Variants in UACA observed in about 807,000 individuals in gnomAD.
UACA encodes the protein uveal autoantigen with coiled-coil domains and ankyrin repeats.
Under a neutral mutation model 160.5 loss-of-function variants are expected in UACA, and 112 were observed. The ratio of observed to expected loss-of-function variants is 0.70; its 90% CI spans 0.60 to 0.82. The LOEUF (loss-of-function observed/expected upper bound fraction) is 0.82. Ranked by LOEUF, UACA falls within the 40% of genes least tolerant of loss-of-function variation. UACA has a pLI of 0.00. For missense variants in UACA, 1,574 were observed against 1,614.6 expected (o/e 0.97, Z 0.43); for synonymous variants, 557 against 568.4 (o/e 0.98, Z 0.29).
intron 1 of UACA, among the ~76,000 whole-genome samples, chr15:70,721,351 C>T (rs1192844430): frequency 6.6e-6 from 1 of 152,116 alleles, no homozygotes; most frequent in African/African-American, 2.4e-5. Flanking sequence ...TGCGGATGGG[C>T]GCGGTGGCTC....
rs150767083 is a variant in UACA, at chr15:70,667,215, C to G, written c.3469G>C (p.Glu1157Gln). 1.1e-5 allele frequency: 17 copies of G among 1,613,890 alleles called. No individual in the cohort carries two copies. The African/African-American group carries it at 2.1e-4, about 20-fold the overall frequency. Residue 1157 changes from glutamate (E) to glutamine (Q), a missense_variant, in exon 16 of 19, where the codon GAG (glutamate) becomes CAG (glutamine). Transcript: ENST00000322954. ...GGTACAGAAGAGTTCTTTTGATTCT[C>G]CAACAATTGATGCAGTTTGGTCACT... is the stretch of plus-strand genomic sequence containing the variant. ...QTVTKLHQLLENQKNSSVPLA... is the reference protein window; with the variant it reads ...QTVTKLHQLLQNQKNSSVPLA...
chr15:70,706,966 G>C (rs1898539946), intron 1 of UACA, among the ~76,000 whole-genome samples: 1 of 152,102 alleles, frequency 6.6e-6, no homozygotes, highest in Non-Finnish European at 1.5e-5. Flanking sequence ...GGAATCTCAA[G>C]GGACTTCAAA....
At chr15:70,657,272 C>CAA in intron 18 of UACA, 145 bp from the exon 19 acceptor site, 1 of 695,988 alleles carries the variant, frequency 1.4e-6, no homozygotes, top group Non-Finnish European at 2.5e-6. Context: ...AAAGGAATTA[C>CAA]TGGAAAAGGG....
At chr15:70,764,210 G>A, upstream of UACA, among the ~76,000 whole-genome samples, 1 of 152,170 alleles carries the variant, frequency 6.6e-6, no homozygotes, top group East Asian at 1.9e-4. Context: ...GACGGAATGG[G>A]GGCGGGGAGG....
At position 70,691,286 on chromosome 15, in the gene UACA, C is replaced by G. The variant is rs1269331243; in HGVS notation, c.366+13G>C. The G allele has an allele frequency of 1.3e-6, 2 of 1,576,090 alleles. No individual in the cohort carries two copies. Among genetic ancestry groups the G allele is most frequent in the Admixed American group, 3.5e-5 (2 of 56,960 alleles). ...CAAAATAATAAAGCTAAAGTATTAA[C>G]CACTTCCACTACCTGTAGAAGTTTT... On this transcript the variant is annotated intron_variant, in intron 4 of 18. Coordinates refer to ENST00000322954, the MANE Select transcript of UACA (RefSeq NM_018003.4).
rs1897929094 is a variant in UACA, at chr15:70,691,374, T to A, written c.302-11A>T. ...GAAGAGCATTTCTCCCTATAAATAA[T>A]TTAAGATACATGTGAAGGATTATTT... On this transcript the variant is annotated splice_polypyrimidine_tract_variant and intron_variant, in intron 3 of 18. Coordinates refer to ENST00000322954, the MANE Select transcript of UACA (RefSeq NM_018003.4). 6 of 1,588,918 alleles carry A rather than the reference T, an allele frequency of 3.8e-6. No individual in the cohort carries two copies. Among genetic ancestry groups the A allele is most frequent in the South Asian group, 3.4e-5 (3 of 88,048 alleles).
intron 1 of UACA, among the ~76,000 whole-genome samples, chr15:70,717,780 A>C (rs1898863474): frequency 1.3e-5 from 2 of 152,200 alleles, no homozygotes; most frequent in African/African-American, 2.4e-5. Flanking sequence ...ACAAGCACAG[A>C]TGTAACTGTG....
Position 70,676,479 on chromosome 15 carries a change from T to A in UACA, c.1131+14A>T. ...CCATTATGAATTACAGGAAATAATTTATCCTTTCTATACCTCAAAATATTT... is the reference window on the plus strand; with the variant it reads ...CCATTATGAATTACAGGAAATAATTAATCCTTTCTATACCTCAAAATATTT... On this transcript the variant is annotated intron_variant, in intron 13 of 18. Transcript: ENST00000322954. 6.4e-7 allele frequency: 1 copy of A among 1,551,162 alleles called. No individual in the cohort carries two copies. The highest frequency in any genetic ancestry group is 8.9e-7 in the Non-Finnish European group (1 of 1,127,094).
At chr15:70,751,289 TAG>T (rs1481346770) in intron 1 of UACA, among the ~76,000 whole-genome samples, 1 of 152,110 alleles carries the variant, frequency 6.6e-6, no homozygotes, top group African/African-American at 2.4e-5. Context: ...AATTGAAAAA[TAG>T]AGATACCACT....
upstream of UACA, among the ~76,000 whole-genome samples, chr15:70,765,521 A>G (rs1313568962): frequency 6.6e-6 from 1 of 152,194 alleles, no homozygotes; most frequent in African/African-American, 2.4e-5. Context: ...TATACCTCTC[A>G]TATGATACTA....
chr15:70,667,201 GTTCTT>G lies in UACA; in HGVS notation c.3478_3482del (p.Lys1160LeufsTer12). 6.2e-7 allele frequency: 1 copy of G among 1,613,844 alleles called. No homozygotes were observed. The highest frequency in any genetic ancestry group is 8.5e-7 in the Non-Finnish European group (1 of 1,179,952). The stretch of plus-strand genomic sequence containing the variant: ...AATGCTCTGCCAGGGGTACAGAAGA[GTTCTT>G]TTGATTCTCCAACAATTGATGCAGT... On this transcript the variant is annotated frameshift_variant, in exon 16 of 19. Coordinates refer to ENST00000322954, the MANE Select transcript of UACA (RefSeq NM_018003.4). LOFTEE classifies it high-confidence loss of function.
chr15:70,665,028 CA>C, intron 16 of UACA: 1 of 395,422 alleles, frequency 2.5e-6, no homozygotes. Context: ...AAAGCAATAC[CA>C]AATTAAGAAT....
intron 1 of UACA, among the ~76,000 whole-genome samples, chr15:70,708,396 A>G (rs1267552650): frequency 6.6e-6 from 1 of 152,218 alleles, no homozygotes; most frequent in East Asian, 1.9e-4. Flanking sequence ...GTTGACAGTA[A>G]ATTTTTATGT....
At chr15:70,678,628 T>A (rs1295835059) in intron 10 of UACA, among the ~76,000 whole-genome samples, 1 of 152,168 alleles carries the variant, frequency 6.6e-6, no homozygotes, top group Admixed American at 6.5e-5. Flanking sequence ...TTTAAGGACA[T>A]AGTTCATTTT....
chr15:70,776,411 C>A, the UACA span, among the ~76,000 whole-genome samples: 2 of 150,836 alleles, frequency 1.3e-5, no homozygotes, highest in Non-Finnish European at 2.9e-5. Flanking sequence ...AATTGCCTTA[C>A]CTCCCTCAAA....
intron 3 of UACA, among the ~76,000 whole-genome samples, chr15:70,692,461 C>T (rs995167321): frequency 6.6e-6 from 1 of 152,158 alleles, no homozygotes; most frequent in African/African-American, 2.4e-5. Context: ...TCACACCTGG[C>T]CACAAACTTC....
chr15:70,687,056 C>T (rs1182687626), intron 7 of UACA, among the ~76,000 whole-genome samples: 1 of 152,118 alleles, frequency 6.6e-6, no homozygotes, highest in Admixed American at 6.5e-5. Flanking sequence ...TGGCACTGTA[C>T]CCTGGCAGAG....
intron 3 of UACA, among the ~76,000 whole-genome samples, chr15:70,694,143 G>A (rs1171302811): frequency 6.6e-6 from 1 of 152,054 alleles, no homozygotes; most frequent in African/African-American, 2.4e-5. Context: ...GTATTTAATA[G>A]AAAAACAAAG....
chr15:70,760,013 GATA>G (rs1355453553), intron 1 of UACA, among the ~76,000 whole-genome samples: 9 of 152,110 alleles, frequency 5.9e-5, no homozygotes, highest in African/African-American at 1.9e-4. Context: ...GTCTTCTTCA[GATA>G]ATAAGCTTAA....
Sources: gnomAD v4.1 joint callset for allele counts (sites outside exome capture counted in the v4.1 genomes callset) on GRCh38, gnomAD v4.1.1 for gene constraint, MANE v1.5 for transcripts, NCBI Gene and HGNC (gene_info 2026-07-23, HGNC 2026-07-21) for gene names.